Variants in PEBP4 observed in about 807,000 individuals in gnomAD.
The protein encoded by PEBP4 is phosphatidylethanolamine-binding protein 4.
A neutral mutation model predicts 23.9 loss-of-function variants in PEBP4; 22 were observed. That is an observed-to-expected ratio of 0.92 (90% CI 0.66 to 1.31). The LOEUF is 1.31. PEBP4 is among the 40% of genes most tolerant of loss of function. The pLI, the probability that PEBP4 is intolerant of heterozygous loss-of-function variation, is 0.00. For synonymous variants in PEBP4, 112 were observed against 99.3 expected, an observed-to-expected ratio of 1.13 and a Z score of -0.76; for missense variants, 324 against 281.7, an observed-to-expected ratio of 1.15 and a Z score of -1.07.
chr8:22,810,898 G>GAC (rs1806612129), intron 4 of PEBP4, among the ~76,000 whole-genome samples: 2 of 151,578 alleles, frequency 1.3e-5, no homozygotes, highest in South Asian at 4.2e-4. Flanking sequence ...GAGAGAGAGA[G>GAC]AGAGAGAGAG....
intron 1 of PEBP4, among the ~76,000 whole-genome samples, chr8:22,934,619 T>C (rs186501136): frequency 3.5e-4 from 54 of 152,228 alleles, no homozygotes; most frequent in Admixed American, 6.5e-4. Context: ...AGAGGATCAC[T>C]TGAGCCTAGG....
intron 4 of PEBP4, among the ~76,000 whole-genome samples, chr8:22,770,954 T>C (rs1219429903): frequency 6.6e-6 from 1 of 152,222 alleles, no homozygotes; most frequent in Admixed American, 6.5e-5. Flanking sequence ...TAAAATGGGA[T>C]TGAAGTTACT....
intron 3 of PEBP4, among the ~76,000 whole-genome samples, chr8:22,874,119 A>G (rs1808069202): frequency 6.6e-6 from 1 of 152,188 alleles, no homozygotes; most frequent in Non-Finnish European, 1.5e-5. Context: ...TGTGGAGGCC[A>G]CCAGAACACG....
chr8:22,717,202 T>A (rs564871402), intron 6 of PEBP4, among the ~76,000 whole-genome samples: 1 of 152,216 alleles, frequency 6.6e-6, no homozygotes, highest in South Asian at 2.1e-4. Context: ...ACCTGGGTAA[T>A]TAAAAAAAAA....
chr8:22,821,447 G>C (rs1330729419), intron 3 of PEBP4, among the ~76,000 whole-genome samples: 1 of 152,174 alleles, frequency 6.6e-6, no homozygotes, highest in Non-Finnish European at 1.5e-5. Flanking sequence ...TTCTGTCTTG[G>C]GCAGCTTGGT....
At chr8:22,795,379 G>T (rs1459893007) in intron 4 of PEBP4, among the ~76,000 whole-genome samples, 2 of 151,552 alleles carry the variant, frequency 1.3e-5, no homozygotes, top group Admixed American at 1.3e-4. Flanking sequence ...GTTTCACCGT[G>T]TTAGCCAGGA....
At chr8:22,843,492 C>T (rs1251119610) in intron 3 of PEBP4, among the ~76,000 whole-genome samples, 1 of 152,222 alleles carries the variant, frequency 6.6e-6, no homozygotes, top group African/African-American at 2.4e-5. Context: ...TTGCTGAAAA[C>T]ATTTCCTAAT....
At chr8:22,877,745 C>T (rs1398429467) in intron 3 of PEBP4, among the ~76,000 whole-genome samples, 1 of 152,150 alleles carries the variant, frequency 6.6e-6, no homozygotes, top group Non-Finnish European at 1.5e-5. Flanking sequence ...GAATTGACAA[C>T]AGCTTCTCGC....
intron 3 of PEBP4, chr8:22,886,474 G>A (rs912870337): frequency 6.6e-6 from 1 of 152,278 alleles, no homozygotes; most frequent in Non-Finnish European, 1.5e-5. Context: ...CTGTCTCATG[G>A]AGGTGTAAGG....
intron 5 of PEBP4, among the ~76,000 whole-genome samples, chr8:22,726,968 G>T (rs562763954): frequency 6.6e-6 from 1 of 152,182 alleles, no homozygotes; most frequent in Non-Finnish European, 1.5e-5. Flanking sequence ...CATGGCGCAG[G>T]ATGGTCTGTG....
At chr8:22,808,675 AG>A (rs1237619477) in intron 4 of PEBP4, among the ~76,000 whole-genome samples, 4 of 152,164 alleles carry the variant, frequency 2.6e-5, no homozygotes, top group African/African-American at 9.7e-5. Flanking sequence ...GGAGATGAGG[AG>A]GGTGCTCCCA....
At chr8:22,823,012 T>G (rs186541864) in intron 3 of PEBP4, among the ~76,000 whole-genome samples, 1 of 152,026 alleles carries the variant, frequency 6.6e-6, no homozygotes, top group East Asian at 1.9e-4. Flanking sequence ...CAAGGCAATA[T>G]TGAAAAAGAT....
At chr8:22,906,140 C>CA (rs1199593330) in intron 3 of PEBP4, among the ~76,000 whole-genome samples, 3 of 152,138 alleles carry the variant, frequency 2.0e-5, no homozygotes, top group Non-Finnish European at 4.4e-5. Context: ...AGCCTACCCC[C>CA]ACCCCTCACT....
rs145503634 is a variant in PEBP4 at position 22,798,924 on chromosome 8, G to A, written c.357+18713C>T. 5.0e-3 allele frequency among the ~76,000 whole-genome samples: 754 copies of A among 151,646 alleles called. 7 individuals carry two copies. The highest frequency in any genetic ancestry group is 0.017 in the African/African-American group (719 of 41,352). On this transcript the variant is annotated intron_variant, in intron 4 of 6. Transcript: ENST00000256404. ...GGCTAATTTGTTTATTTTTAGTATA[G>A]ACAGGGTTTCACAATGTTGGTCAGG...
intron 3 of PEBP4, among the ~76,000 whole-genome samples, chr8:22,829,697 T>C (rs1807040590): frequency 6.6e-6 from 1 of 152,110 alleles, no homozygotes; most frequent in African/African-American, 2.4e-5. Flanking sequence ...TATTCCATTC[T>C]CCTTTTCCTC....
At chr8:22,763,897 G>A (rs916452393) in intron 4 of PEBP4, among the ~76,000 whole-genome samples, 15 of 152,118 alleles carry the variant, frequency 9.9e-5, no homozygotes, top group Non-Finnish European at 1.9e-4. Context: ...TGGATGCCAG[G>A]TGCATAATGC....
At chr8:22,939,915 G>A (rs1809586265) in intron 1 of PEBP4, among the ~76,000 whole-genome samples, 1 of 152,142 alleles carries the variant, frequency 6.6e-6, no homozygotes, top group Admixed American at 6.5e-5. Context: ...ATCAACAGTT[G>A]ACTTAATAAG....
At chr8:22,903,507 C>A (rs1404579999) in intron 3 of PEBP4, among the ~76,000 whole-genome samples, 3 of 152,176 alleles carry the variant, frequency 2.0e-5, no homozygotes, top group Non-Finnish European at 2.9e-5. Flanking sequence ...TCCTCACCCC[C>A]AGAGGCAGCA....
chr8:22,893,117 C>T lies in PEBP4; in HGVS notation c.258+27067G>A, dbSNP rs561678535. 3.4e-4 allele frequency among the ~76,000 whole-genome samples: 52 copies of T among 152,290 alleles called. No homozygotes were observed. In the South Asian group the frequency reaches 3.7e-3, roughly 11 times the overall value. On this transcript the variant is annotated intron_variant, in intron 3 of 6. Coordinates refer to ENST00000256404, the MANE Select transcript of PEBP4 (RefSeq NM_144962.3). ...CCCTGAAAGAAACAGACAGAAAAGTCTACAGGGCTCACACAAGGCTGAGAA... is the reference window on the plus strand; with the variant it reads ...CCCTGAAAGAAACAGACAGAAAAGTTTACAGGGCTCACACAAGGCTGAGAA...
Sources: gnomAD v4.1 joint callset for allele counts (sites outside exome capture counted in the v4.1 genomes callset) on GRCh38, gnomAD v4.1.1 for gene constraint, MANE v1.5 for transcripts, NCBI Gene and HGNC (gene_info 2026-07-23, HGNC 2026-07-21) for gene names.